SH3TC1: variants seen among roughly 807,000 people sequenced by gnomAD.
The protein encoded by SH3TC1 is SH3 domain and tetratricopeptide repeats 1.
SH3TC1 carries 135 observed loss-of-function variants against 117.3 expected under a neutral mutation model. The ratio of observed to expected loss-of-function variants is 1.15; its 90% confidence interval spans 1.00 to 1.33. The LOEUF is 1.33. SH3TC1 is among the 40% of genes most tolerant of loss of function. The pLI is 0.00. For synonymous variants in SH3TC1, 898 were observed against 816.9 expected (o/e 1.10, Z -1.69); for missense variants, 2,092 against 1,794.3 (o/e 1.17, Z -3.00).
At chr4:8,219,628 A>C in intron 9 of SH3TC1, 98 bp downstream of exon 9, 1 of 1,289,298 alleles carries the variant, frequency 7.8e-7, no homozygotes, top group Non-Finnish European at 1.0e-6. Flanking sequence ...ACAAGCCTGA[A>C]AGTCACTGTG....
chr4:8,223,733 A>C (rs1402666533), intron 10 of SH3TC1, among the ~76,000 whole-genome samples: 1 of 151,806 alleles, frequency 6.6e-6, no homozygotes, highest in Non-Finnish European at 1.5e-5. Context: ...CCCGGGTTCA[A>C]GCGATTCTCG....
Position 8,227,744 on chromosome 4 carries a change from G to A in SH3TC1, c.2050G>A (p.Ala684Thr). The change falls in exon 12 of 18, where the codon GCC becomes ACC. Residue 684 changes from alanine (A) to threonine (T), a missense_variant. Transcript: ENST00000245105. ...HHVHLKQPEE[A>T]LPFLERLLLL... ...CGTGCACCTCAAGCAGCCCGAGGAG[G>A]CCCTGCCCTTCCTAGAGCGGCTGCT... 2.5e-6 allele frequency: 4 copies of A among 1,608,710 alleles called. No homozygotes were observed. The highest frequency in any genetic ancestry group is 3.4e-6 in the Non-Finnish European group (4 of 1,177,420).
In SH3TC1 at chr4:8,241,008, C is replaced by T. The variant is rs1019520057; in HGVS notation, c.*53C>T. On this transcript the variant is annotated 3_prime_UTR_variant, in exon 18 of 18. Coordinates refer to ENST00000245105, the MANE Select transcript of SH3TC1 (RefSeq NM_018986.5). ...TGCAAGGGCTGGGGGTCTCCTGCCTCTCCTGGTGTCGCCGGTGGCTCATTT... is the reference window on the plus strand; with the variant it reads ...TGCAAGGGCTGGGGGTCTCCTGCCTTTCCTGGTGTCGCCGGTGGCTCATTT... The T allele has an allele frequency of 1.3e-5, 20 of 1,581,730 alleles. No individual in the cohort carries two copies. Among genetic ancestry groups the T allele is most frequent in the Non-Finnish European group, 1.7e-5 (20 of 1,165,134 alleles).
intron 1 of SH3TC1, among the ~76,000 whole-genome samples, chr4:8,203,066 G>C (rs1489257583): frequency 6.6e-6 from 1 of 152,154 alleles, no homozygotes; most frequent in African/African-American, 2.4e-5. Flanking sequence ...CAGCCAACTT[G>C]CCCCCCATGA....
Position 8,227,735 on chromosome 4 carries a change from C to A in SH3TC1, c.2041C>A (p.Pro681Thr). The A allele has an allele frequency of 3.1e-6, 5 of 1,600,984 alleles. No individual in the cohort carries two copies. Among genetic ancestry groups the A allele is most frequent in the Non-Finnish European group, 4.3e-6 (5 of 1,172,676 alleles). ...LARHHVHLKQ[P>T]EEALPFLERL... ...CAGGCACCACGTGCACCTCAAGCAG[C>A]CCGAGGAGGCCCTGCCCTTCCTAGA... Residue 681 changes from proline to threonine, a missense_variant, in exon 12 of 18, where the codon CCC (proline) becomes ACC (threonine). Coordinates refer to ENST00000245105, the MANE Select transcript of SH3TC1 (RefSeq NM_018986.5).
chr4:8,205,087 C>T lies in SH3TC1; in HGVS notation c.-28-80C>T. The T allele has an allele frequency of 8.2e-7, 1 of 1,218,660 alleles. No individual in the cohort carries two copies. The allele number at this position is 1,218,660 out of a possible 1,614,324, so 75.5% of individuals were successfully genotyped here. A position where few individuals can be genotyped will look rare whatever the true frequency, so the allele number is the denominator to read the frequency against. On this transcript the variant is annotated intron_variant, in intron 1 of 17. Transcript: ENST00000245105. The surrounding 1 kb of genome is among the most constrained non-coding windows in gnomAD (Gnocchi z 5.4). ...GCTCAGCAACGCTGGTGTTCTCTTT[C>T]TGGACCCCAGGCCTGGACACAACCT...
intron 1 of SH3TC1, chr4:8,201,810 G>C (rs1281125): frequency 0.79 from 120,365 of 152,176 alleles, 48,780 homozygotes; most frequent in East Asian, 1. Flanking sequence ...CCTGGATGCC[G>C]TTTCGAACAG....
At chr4:8,220,865 C>G (rs1561699178) in intron 9 of SH3TC1, among the ~76,000 whole-genome samples, 1 of 152,352 alleles carries the variant, frequency 6.6e-6, no homozygotes, top group East Asian at 1.9e-4. Flanking sequence ...TCAGAAGCAG[C>G]TGGAAGCTGG....
chr4:8,235,999 T>C (rs1052909079), intron 15 of SH3TC1: 1 of 475,856 alleles, frequency 2.1e-6, no homozygotes, highest in East Asian at 3.6e-5. Flanking sequence ...GTCGTGTTTT[T>C]AGAGCAGAGA....
Position 8,216,294 on chromosome 4 carries a change from G to T in SH3TC1, c.628+37G>T, listed in dbSNP as rs147709035. 1.7e-3 allele frequency: 2,644 copies of T among 1,600,952 alleles called. 17 individuals carry two copies. The highest frequency in any genetic ancestry group is 6.1e-3 in the South Asian group (540 of 89,122). ...ATGGGGTGATGGCCGAGATCCAGCT[G>T]TGCGGGGCACTCCCGGGCCATGGGG... On this transcript the variant is annotated intron_variant, in intron 6 of 17. Transcript: ENST00000245105.
rs1199161071 is a variant in SH3TC1, at chr4:8,210,805, T to A, written c.247+983T>A. Reference sequence around the variant, plus strand: ...TCACAGCTCAGGAACCATTGTGGAATGATGGGCTGGTGCCTCCTGTTGGGG... The same window carrying A: ...TCACAGCTCAGGAACCATTGTGGAAAGATGGGCTGGTGCCTCCTGTTGGGG... On this transcript the variant is annotated intron_variant, in intron 3 of 17. Coordinates refer to ENST00000245105, the MANE Select transcript of SH3TC1 (RefSeq NM_018986.5). This position sits in a 1 kb window ranked among gnomAD's most constrained non-coding sequence, Gnocchi z 4.1. Among the ~76,000 whole-genome samples, 1 of 136,600 alleles carries A rather than the reference T, an allele frequency of 7.3e-6. No individual in the cohort carries two copies. The highest frequency in any genetic ancestry group is 1.5e-5 in the Non-Finnish European group (1 of 64,914). 89.6% of individuals were successfully genotyped at this position (136,600 alleles called of 152,430 possible). A position where few individuals can be genotyped will look rare whatever the true frequency, so the allele number is the denominator to read the frequency against.
intron 1 of SH3TC1, among the ~76,000 whole-genome samples, chr4:8,203,277 C>CGTGTGTGT (rs112785929): frequency 6.7e-6 from 1 of 150,066 alleles, no homozygotes; most frequent in African/African-American, 2.4e-5. Flanking sequence ...TGTGCGGGTG[C>CGTGTGTGT]GTGTGTGTGT....
chr4:8,235,815 T>G (rs997168543), intron 15 of SH3TC1: 1 of 402,456 alleles, frequency 2.5e-6, no homozygotes, highest in South Asian at 5.7e-5. Context: ...CCTGTCCCCA[T>G]CTTACAGATG....
Position 8,212,839 on chromosome 4 carries a change from C to G in SH3TC1, c.375+11C>G, listed in dbSNP as rs758717410. ...GCCCGCGTGCTTGGGGTGAGTAGCC[C>G]TCTGGGGCCTGCTCAGGGATGGGAG... On this transcript the variant is annotated intron_variant, in intron 4 of 17. Transcript: ENST00000245105. 5 of 1,553,074 alleles carry G rather than the reference C, an allele frequency of 3.2e-6. No homozygotes were observed. In the Admixed American group the frequency reaches 5.7e-5, roughly 18 times the overall value.
In SH3TC1 at chr4:8,206,802, A is replaced by T. The variant is rs1718246374; in HGVS notation, c.172+1436A>T. ...ATACCCAGGTTCCCTGAATGTTCGC[A>T]TTTTAGGACTTTTACTTTGTGTGTG... On this transcript the variant is annotated intron_variant, in intron 2 of 17. Transcript: ENST00000245105. This position sits in a 1 kb window ranked among gnomAD's most constrained non-coding sequence, Gnocchi z 5.5. 6.6e-6 allele frequency among the ~76,000 whole-genome samples: 1 copy of T among 150,794 alleles called. No individual in the cohort carries two copies. The highest frequency in any genetic ancestry group is 2.1e-4 in the South Asian group (1 of 4,776).
Position 8,192,687 on chromosome 4 carries a change from T to C in SH3TC1, c.-57+10477T>C, listed in dbSNP as rs1171836679. Among the ~76,000 whole-genome samples the C allele has an allele frequency of 6.6e-6, 1 of 151,840 alleles. No homozygotes were observed. The highest frequency in any genetic ancestry group is 1.5e-5 in the Non-Finnish European group (1 of 67,988). On this transcript the variant is annotated intron_variant, in intron 1 of 16. Coordinates refer to the SH3TC1 transcript ENST00000508641. The surrounding 1 kb of genome is among the most constrained non-coding windows in gnomAD (Gnocchi z 4.1). ...TTTTGTATTTTTAGTAGAGGTGGGGTTTCACTGTGTTGGTCAGGCTGGTCT... is the reference window on the plus strand; with the variant it reads ...TTTTGTATTTTTAGTAGAGGTGGGGCTTCACTGTGTTGGTCAGGCTGGTCT...
At chr4:8,197,541 C>T, upstream of SH3TC1, among the ~76,000 whole-genome samples, 1 of 152,192 alleles carries the variant, frequency 6.6e-6, no homozygotes, top group South Asian at 2.1e-4. Context: ...AGATTGCTGC[C>T]ACTGGGGATT....
At position 8,222,969 on chromosome 4, in the gene SH3TC1, G is replaced by A. The variant is rs1033571466; in HGVS notation, c.1242G>A (p.Leu414=). The A allele has an allele frequency of 1.3e-5, 21 of 1,608,602 alleles. No individual in the cohort carries two copies. The Admixed American group carries it at 1.3e-4, about 10-fold the overall frequency. ...CCGATGTCTGCAGCGTGTACAGCCT[G>A]GGTGCGTGTGGGCGATGCCTGTGGT... ...SGTDVCSVYS[L]DSVEEAETEQ... is the part of the protein sequence containing the mutation. The change falls in exon 10 of 18, where the codon CTG becomes CTA. Residue 414 remains leucine (L), a splice_region_variant and synonymous_variant. Transcript: ENST00000245105.
chr4:8,212,771 C>G lies in SH3TC1; in HGVS notation c.318C>G (p.Leu106=). Residue 106 remains leucine (L), a synonymous_variant, in exon 4 of 18, where the codon CTC becomes CTG. Coordinates refer to ENST00000245105, the MANE Select transcript of SH3TC1 (RefSeq NM_018986.5). ...GGGACCCCGGCCTACAGCAGACCCT[C>G]CGGGGCCAGCTCCGCCTGCTGGAGA... ...RLRDPGLQQT[L]RGQLRLLEND... 1 of 1,611,716 alleles carries G rather than the reference C, an allele frequency of 6.2e-7. No individual in the cohort carries two copies. Among genetic ancestry groups the G allele is most frequent in the Non-Finnish European group, 8.5e-7 (1 of 1,179,492 alleles).
Sources: allele counts gnomAD v4.1 joint callset (sites outside exome capture counted in the v4.1 genomes callset), GRCh38; gene constraint gnomAD v4.1.1; non-coding constraint Gnocchi (gnomAD v3.1); transcripts MANE v1.5; gene names NCBI Gene and HGNC (gene_info 2026-07-23, HGNC 2026-07-21).